Variants in RNF144B observed in about 807,000 individuals in gnomAD.
RNF144B encodes the protein ring finger protein 144B.
A neutral mutation model predicts 40.2 loss-of-function variants in RNF144B; 25 were observed. The ratio of observed to expected loss-of-function variants is 0.62; its 90% CI spans 0.45 to 0.87. The LOEUF (loss-of-function observed/expected upper bound fraction) is 0.87, where lower values mean the gene tolerates loss of function less well. RNF144B is among the 40% of genes least tolerant of loss of function. RNF144B has a pLI of 0.00. For synonymous variants in RNF144B, 145 were observed against 136.3 expected (o/e 1.06, Z -0.44); for missense variants, 365 against 373.7 (o/e 0.98, Z 0.19).
chr6:18,424,932 A>G (rs1758511851), intron 2 of RNF144B, among the ~76,000 whole-genome samples: 1 of 152,234 alleles, frequency 6.6e-6, no homozygotes, highest in Non-Finnish European at 1.5e-5. Flanking sequence ...ATTTTCCCAC[A>G]AAGTCTTTGA....
chr6:18,387,561 C>A lies in RNF144B; in HGVS notation c.-106C>A. On this transcript the variant is annotated 5_prime_UTR_variant, in exon 1 of 8. Coordinates refer to ENST00000259939, the MANE Select transcript of RNF144B (RefSeq NM_182757.4). ...GCTCCTGTCCGGTGTGCCAGCAGCC[C>A]GGACTGGCGGTGAGCGCGAGGGAGG... 5.3e-6 allele frequency: 7 copies of A among 1,327,512 alleles called. No homozygotes were observed. The highest frequency in any genetic ancestry group is 6.9e-6 in the Non-Finnish European group (7 of 1,009,498). 82.2% of individuals were successfully genotyped at this position (1,327,512 alleles called of 1,614,324 possible).
intron 3 of RNF144B, among the ~76,000 whole-genome samples, chr6:18,438,062 G>C (rs966021169): frequency 4.6e-5 from 7 of 152,198 alleles, no homozygotes; most frequent in African/African-American, 1.4e-4. Flanking sequence ...CTTGGGCCCA[G>C]ATGGTATCAC....
chr6:18,444,682 G>A lies in RNF144B; in HGVS notation c.331+4938G>A, dbSNP rs953735063. Among the ~76,000 whole-genome samples, 123 of 150,018 alleles carry A rather than the reference G, an allele frequency of 8.2e-4. No individual in the cohort carries two copies. The highest frequency in any genetic ancestry group is 2.9e-3 in the African/African-American group (121 of 41,244). Reference sequence around the variant, plus strand: ...ATTGTTCTCCTTCATTTAAAAAAAAGTGAAATAGGAAGTTGTCTTTCTTTT... The same window carrying A: ...ATTGTTCTCCTTCATTTAAAAAAAAATGAAATAGGAAGTTGTCTTTCTTTT... On this transcript the variant is annotated intron_variant, in intron 4 of 7. Coordinates refer to ENST00000259939, the MANE Select transcript of RNF144B (RefSeq NM_182757.4). The surrounding 1 kb of genome is among the most constrained non-coding windows in gnomAD (Gnocchi z 4.3).
At position 18,457,163 on chromosome 6, in the gene RNF144B, C is replaced by G. The variant is rs1418833765; in HGVS notation, c.340C>G (p.Leu114Val). The G allele has an allele frequency of 1.9e-6, 3 of 1,612,890 alleles. No individual in the cohort carries two copies. The highest frequency in any genetic ancestry group is 4.5e-5 in the East Asian group (2 of 44,884). ...CTTTCTTTACACTTTAGAAGTTCAT[C>G]TGGACCCCTACCGAACATGGTGTCC... is the stretch of plus-strand genomic sequence containing the variant. ...QRLKFEREVH[L>V]DPYRTWCPVA... The change falls in exon 5 of 8, where the codon CTG becomes GTG. Residue 114 changes from leucine to valine, a missense_variant. Leu to Val is a conservative substitution (Grantham distance 32). Transcript: ENST00000259939. The surrounding 1 kb of genome is among the most constrained non-coding windows in gnomAD (Gnocchi z 5.1).
In RNF144B at chr6:18,457,088, A is replaced by T; in HGVS notation, c.332-67A>T. ...AATAAATTAAATAAATAAGAGGGCAAATGAAGGTGAGAAAGACTCAAACAT... is the reference window on the plus strand; with the variant it reads ...AATAAATTAAATAAATAAGAGGGCATATGAAGGTGAGAAAGACTCAAACAT... On this transcript the variant is annotated intron_variant, in intron 4 of 7. Coordinates refer to ENST00000259939, the MANE Select transcript of RNF144B (RefSeq NM_182757.4). The surrounding 1 kb of genome is among the most constrained non-coding windows in gnomAD (Gnocchi z 5.1). 8.3e-7 allele frequency: 1 copy of T among 1,202,448 alleles called. No individual in the cohort carries two copies. Among genetic ancestry groups the T allele is most frequent in the Non-Finnish European group, 1.2e-6 (1 of 806,068 alleles). The allele number at this position is 1,202,448 out of a possible 1,614,324, so 74.5% of individuals were successfully genotyped here.
Position 18,414,415 on chromosome 6 carries a change from T to TATG in RNF144B, c.166-13164_166-13162dup, listed in dbSNP as rs1352223246. Reference sequence around the variant, plus strand: ...TCTTTCCCAACTTTTGGGTCATTAATATGAGCTATTTTGCATGCTGGCTTT... The same window carrying TATG: ...TCTTTCCCAACTTTTGGGTCATTAATATGATGAGCTATTTTGCATGCTGGCTTT... On this transcript the variant is annotated intron_variant, in intron 2 of 7. Coordinates refer to ENST00000259939, the MANE Select transcript of RNF144B (RefSeq NM_182757.4). The surrounding 1 kb of genome is among the most constrained non-coding windows in gnomAD (Gnocchi z 4.9). Among the ~76,000 whole-genome samples, 1 of 152,194 alleles carries TATG rather than the reference T, an allele frequency of 6.6e-6. No individual in the cohort carries two copies. The highest frequency in any genetic ancestry group is 1.5e-5 in the Non-Finnish European group (1 of 68,014).
chr6:18,437,300 A>T (rs1758846347), intron 3 of RNF144B, among the ~76,000 whole-genome samples: 2 of 152,074 alleles, frequency 1.3e-5, no homozygotes, highest in African/African-American at 2.4e-5. Flanking sequence ...TTAGCCAGTT[A>T]TGATGGTGCA....
At position 18,387,537 on chromosome 6, in the gene RNF144B, C is replaced by A; in HGVS notation, c.-130C>A. The A allele has an allele frequency of 7.5e-7, 1 of 1,325,094 alleles. No homozygotes were observed. The highest frequency in any genetic ancestry group is 4.8e-5 in the East Asian group (1 of 20,652). The allele number at this position is 1,325,094 out of a possible 1,614,324, so 82.1% of individuals were successfully genotyped here. Reference sequence around the variant, plus strand: ...AGGAAAGACGGAGAGAATGGAAGAGCTCCTGTCCGGTGTGCCAGCAGCCCG... The same window carrying A: ...AGGAAAGACGGAGAGAATGGAAGAGATCCTGTCCGGTGTGCCAGCAGCCCG... On this transcript the variant is annotated 5_prime_UTR_variant, in exon 1 of 8. Transcript: ENST00000259939.
At chr6:18,420,073 G>A (rs995492949) in intron 2 of RNF144B, among the ~76,000 whole-genome samples, 12 of 152,024 alleles carry the variant, frequency 7.9e-5, no homozygotes, top group African/African-American at 2.9e-4. Context: ...AGGTGAAGGA[G>A]CTTGGCCACA....
rs1582447727 is a variant in RNF144B, at chr6:18,457,728, A to G, written c.536+369A>G. Among the ~76,000 whole-genome samples the G allele has an allele frequency of 6.6e-6, 1 of 152,152 alleles. No homozygotes were observed. The highest frequency in any genetic ancestry group is 1.5e-5 in the Non-Finnish European group (1 of 68,024). ...CATTCTTGTTGCTTGCAAAATGAGA[A>G]AAGAAATTTTCTTACCTGACTAAAT... On this transcript the variant is annotated intron_variant, in intron 5 of 7. Transcript: ENST00000259939. This position sits in a 1 kb window ranked among gnomAD's most constrained non-coding sequence, Gnocchi z 5.1.
chr6:18,430,159 A>T (rs532038418), intron 3 of RNF144B, among the ~76,000 whole-genome samples: 9 of 152,290 alleles, frequency 5.9e-5, no homozygotes, highest in African/African-American at 2.2e-4. Flanking sequence ...GGCTATTTAA[A>T]CCTAGACTGA....
intron 4 of RNF144B, among the ~76,000 whole-genome samples, chr6:18,440,889 A>G (rs1758948176): frequency 7.1e-6 from 1 of 140,318 alleles, no homozygotes; most frequent in South Asian, 2.5e-4. Context: ...AGCTAAATAT[A>G]CCAAAAAAAA....
rs1759139843 is a variant in RNF144B at position 18,448,690 on chromosome 6, A to ACACACG, written c.332-8460_332-8459insGCACAC. Among the ~76,000 whole-genome samples the ACACACG allele has an allele frequency of 8.9e-6, 1 of 111,752 alleles. No individual in the cohort carries two copies. Among genetic ancestry groups the ACACACG allele is most frequent in the East Asian group, 2.1e-4 (1 of 4,828 alleles). The allele number at this position is 111,752 out of a possible 152,430, so 73.3% of individuals were successfully genotyped here. On this transcript the variant is annotated intron_variant, in intron 4 of 7. Transcript: ENST00000259939. The surrounding 1 kb of genome is among the most constrained non-coding windows in gnomAD (Gnocchi z 4.0). ...CATTTTATTTTGAAAGCCAGCATGC[A>ACACACG]CACACACACACACACACACACACAC...
rs1364914657 is a variant in RNF144B, at chr6:18,464,342, C to T, written c.772-585C>T. Among the ~76,000 whole-genome samples the T allele has an allele frequency of 1.3e-5, 2 of 152,186 alleles. No homozygotes were observed. The highest frequency in any genetic ancestry group is 2.9e-5 in the Non-Finnish European group (2 of 68,044). On this transcript the variant is annotated intron_variant, in intron 7 of 7. Transcript: ENST00000259939. The surrounding 1 kb of genome is among the most constrained non-coding windows in gnomAD (Gnocchi z 6.1). ...ATTCATGACTATACTGAGCTTGCGA[C>T]AGCTTGAGTTAGCATTTGGATGGTT... is the stretch of plus-strand genomic sequence containing the variant.
chr6:18,415,940 G>A (rs1160002829), intron 2 of RNF144B, among the ~76,000 whole-genome samples: 5 of 151,938 alleles, frequency 3.3e-5, no homozygotes, highest in Non-Finnish European at 5.9e-5. Flanking sequence ...GAGGAAGAAT[G>A]AAATGACAAA....
chr6:18,460,798 G>A lies in RNF144B; in HGVS notation c.681+1047G>A, dbSNP rs1397204013. Among the ~76,000 whole-genome samples the A allele has an allele frequency of 2.0e-5, 3 of 151,998 alleles. No homozygotes were observed. Among genetic ancestry groups the A allele is most frequent in the Non-Finnish European group, 4.4e-5 (3 of 68,012 alleles). On this transcript the variant is annotated intron_variant, in intron 6 of 7. Coordinates refer to ENST00000259939, the MANE Select transcript of RNF144B (RefSeq NM_182757.4). This position sits in a 1 kb window ranked among gnomAD's most constrained non-coding sequence, Gnocchi z 4.4. ...TGCCAAGGCTAATGGTAACTTCAGAGTTAAAAATGCGATGCAAAGAGTTGG... is the reference window on the plus strand; with the variant it reads ...TGCCAAGGCTAATGGTAACTTCAGAATTAAAAATGCGATGCAAAGAGTTGG...
intron 2 of RNF144B, among the ~76,000 whole-genome samples, chr6:18,407,984 CTTTT>C (rs370801682): frequency 9.7e-5 from 13 of 133,588 alleles, no homozygotes; most frequent in Non-Finnish European, 1.4e-4. Flanking sequence ...CTTTCTTTTT[CTTTT>C]TTTTTTTTTT....
intron 2 of RNF144B, among the ~76,000 whole-genome samples, chr6:18,415,395 A>T (rs1795130127): frequency 6.6e-6 from 1 of 152,090 alleles, no homozygotes; most frequent in Admixed American, 6.6e-5. Flanking sequence ...TGCTTCCAAG[A>T]TGGCGTCTTA....
chr6:18,391,405 T>C (rs527483751), intron 1 of RNF144B, among the ~76,000 whole-genome samples: 1 of 152,310 alleles, frequency 6.6e-6, no homozygotes, highest in East Asian at 1.9e-4. Flanking sequence ...GCTACCATGA[T>C]GAATGCAAAA....
Sources: gnomAD v4.1 joint callset for allele counts (sites outside exome capture counted in the v4.1 genomes callset) on GRCh38, gnomAD v4.1.1 for gene constraint, Gnocchi (gnomAD v3.1) non-coding constraint, MANE v1.5 for transcripts, NCBI Gene and HGNC (gene_info 2026-07-23, HGNC 2026-07-21) for gene names.